The following OTUD7B variants were observed in gnomAD, a reference collection of about 807,000 sequenced individuals.
The protein encoded by OTUD7B is OTU domain-containing protein 7B.
In OTUD7B, 34 loss-of-function variants were observed where a neutral mutation model predicts 82.2. The ratio of observed to expected loss-of-function variants is 0.41; its 90% confidence interval spans 0.31 to 0.55. OTUD7B has a LOEUF of 0.55. Among genes scored for constraint, OTUD7B ranks in the 20% least tolerant of loss-of-function variants. The probability of loss-of-function intolerance (pLI) is 0.20; values close to 1 mark genes in which losing one functional copy is unlikely to be tolerated. For missense variants in OTUD7B, 944 were observed against 1,062.1 expected (o/e 0.89, Z 1.55); for synonymous variants, 398 against 402.7 (o/e 0.99, Z 0.14).
chr1:149,975,681 G>C (rs1212948401), intron 2 of OTUD7B, among the ~76,000 whole-genome samples: 1 of 152,128 alleles, frequency 6.6e-6, no homozygotes, highest in Non-Finnish European at 1.5e-5. Context: ...GAGGTGACAA[G>C]TCAGGCCTGG....
chr1:149,945,032 A>G lies in OTUD7B; in HGVS notation c.1357T>C (p.Ser453Pro). 2 of 1,613,962 alleles carry G rather than the reference A, an allele frequency of 1.2e-6. No individual in the cohort carries two copies. Among genetic ancestry groups the G allele is most frequent in the Middle Eastern group, 3.3e-4 (2 of 6,058 alleles). The change falls in exon 12 of 12, where the codon TCA becomes CCA. Residue 453 changes from serine (S) to proline (P), a missense_variant. Transcript: ENST00000581312. Reference sequence around the variant, plus strand: ...GTGGACCGGGGCTCATCTCCAGCTGAGGCGGTGGGGGACTCAGGCTGGGCC... The same window carrying G: ...GTGGACCGGGGCTCATCTCCAGCTGGGGCGGTGGGGGACTCAGGCTGGGCC... ...PLAQPESPTASAGDEPRSTPE... is the reference protein window; with the variant it reads ...PLAQPESPTAPAGDEPRSTPE...
At chr1:150,052,877 A>G in the OTUD7B span, among the ~76,000 whole-genome samples, 1 of 152,110 alleles carries the variant, frequency 6.6e-6, no homozygotes, top group African/African-American at 2.4e-5. Context: ...GTCCAAAAAT[A>G]AGGCCACACA....
At chr1:150,013,223 T>A (rs960514190), upstream of OTUD7B, among the ~76,000 whole-genome samples, 2 of 152,224 alleles carry the variant, frequency 1.3e-5, no homozygotes, top group Non-Finnish European at 2.9e-5. Context: ...ACCCTAGAGA[T>A]CTGTTTTTGT....
At chr1:149,978,447 T>C (rs782035182) in intron 1 of OTUD7B, among the ~76,000 whole-genome samples, 28 of 150,070 alleles carry the variant, frequency 1.9e-4, no homozygotes, top group Non-Finnish European at 3.4e-4. Flanking sequence ...GGGCAGAGGT[T>C]GCAGTGAGCC....
chr1:150,049,004 T>A, the OTUD7B span, among the ~76,000 whole-genome samples: 8 of 151,994 alleles, frequency 5.3e-5, no homozygotes, highest in Non-Finnish European at 1.2e-4. Flanking sequence ...GGCTAATTTT[T>A]GTATTTTTTT....
chr1:150,027,333 C>T, the OTUD7B span, among the ~76,000 whole-genome samples: 1 of 152,122 alleles, frequency 6.6e-6, no homozygotes, highest in African/African-American at 2.4e-5. Flanking sequence ...CACCTGTAAT[C>T]CCAGCACTTT....
rs1185719754 is a variant in OTUD7B, at chr1:149,941,630, G to A, written c.*2227C>T. 1 of 152,096 alleles carries A rather than the reference G, an allele frequency of 6.6e-6. No individual in the cohort carries two copies. The highest frequency in any genetic ancestry group is 2.4e-5 in the African/African-American group (1 of 41,422). The allele number at this position is 152,096 out of a possible 1,614,324, so 9.4% of individuals were successfully genotyped here. A position where few individuals can be genotyped will look rare whatever the true frequency, so the allele number is the denominator to read the frequency against. Reference sequence around the variant, plus strand: ...CAATTAATGTAAAAAGTCTATGATGGACAATGTATCAAAAATTTAAATAAG... The same window carrying A: ...CAATTAATGTAAAAAGTCTATGATGAACAATGTATCAAAAATTTAAATAAG... On this transcript the variant is annotated 3_prime_UTR_variant, in exon 12 of 12. Transcript: ENST00000581312.
At position 149,964,364 on chromosome 1, in the gene OTUD7B, C is replaced by G. The variant is rs1649371859; in HGVS notation, c.605-15G>C. 1.2e-6 allele frequency: 2 copies of G among 1,611,206 alleles called. No homozygotes were observed. The highest frequency in any genetic ancestry group is 1.1e-5 in the South Asian group (1 of 90,902). On this transcript the variant is annotated splice_polypyrimidine_tract_variant and intron_variant, in intron 5 of 11. Coordinates refer to ENST00000581312, the MANE Select transcript of OTUD7B (RefSeq NM_020205.4). The stretch of plus-strand genomic sequence containing the variant: ...ACCCCACATTCCTGTGGCAAAAAAG[C>G]ATAATGGTAAGATACCTCAGCTTGA...
At chr1:150,036,262 CTT>C in the OTUD7B span, among the ~76,000 whole-genome samples, 6 of 136,700 alleles carry the variant, frequency 4.4e-5, no homozygotes, top group African/African-American at 1.4e-4. Flanking sequence ...TTCATTGTAA[CTT>C]TTTTTTTTTT....
the OTUD7B span, among the ~76,000 whole-genome samples, chr1:150,018,754 C>A: frequency 6.6e-6 from 1 of 152,134 alleles, no homozygotes; most frequent in Non-Finnish European, 1.5e-5. Context: ...ACAAGGCAGC[C>A]TGTGACTGCA....
At position 149,944,916 on chromosome 1, in the gene OTUD7B, A is replaced by T; in HGVS notation, c.1473T>A (p.Asp491Glu). 1 of 1,613,796 alleles carries T rather than the reference A, an allele frequency of 6.2e-7. No homozygotes were observed. Among genetic ancestry groups the T allele is most frequent in the Non-Finnish European group, 8.5e-7 (1 of 1,179,958 alleles). ...GGRRKEKSKRDREKDKKRADS... is the reference protein window; with the variant it reads ...GGRRKEKSKREREKDKKRADS... ...CTGCTCTCTTCTTGTCCTTCTCCCG[A>T]TCTCGCTTTGACTTCTCCTTCCGCC... The change falls in exon 12 of 12, where the codon GAT becomes GAA. Residue 491 changes from aspartate to glutamate, a missense_variant. Around this residue, in one of 3 missense-constraint regions of OTUD7B, gnomAD observed 530 missense variants for 625.6 expected, o/e 0.85. Transcript: ENST00000581312.
intron 1 of OTUD7B, among the ~76,000 whole-genome samples, chr1:149,985,572 T>C (rs1275222757): frequency 3.3e-5 from 5 of 151,962 alleles, no homozygotes; most frequent in Admixed American, 6.6e-5. Flanking sequence ...AACCCATCTC[T>C]ACAAAAAAAT....
At chr1:150,061,974 A>G in the OTUD7B span, among the ~76,000 whole-genome samples, 1 of 152,132 alleles carries the variant, frequency 6.6e-6, no homozygotes, top group Non-Finnish European at 1.5e-5. Context: ...CGATGCAGAG[A>G]TCTACCTGTC....
At chr1:149,968,412 G>A (rs1391665222) in intron 3 of OTUD7B, among the ~76,000 whole-genome samples, 1 of 152,030 alleles carries the variant, frequency 6.6e-6, no homozygotes, top group Non-Finnish European at 1.5e-5. Flanking sequence ...ATTCTTAACA[G>A]TCTATAGAGA....
chr1:149,968,142 T>C (rs1483927226), intron 3 of OTUD7B, among the ~76,000 whole-genome samples: 1 of 151,078 alleles, frequency 6.6e-6, no homozygotes, highest in Non-Finnish European at 1.5e-5. Context: ...TGTGCCCCTA[T>C]AATCCCAGCT....
intron 11 of OTUD7B, 109 bp from the exon 12 acceptor site, chr1:149,945,174 T>C (rs1197628515): frequency 5.6e-6 from 8 of 1,426,654 alleles, no homozygotes; most frequent in East Asian, 4.8e-5. Context: ...CCTGCAGCCA[T>C]GGCTATAGAA....
At chr1:149,982,841 C>CTTTTTTTT (rs34122678) in intron 1 of OTUD7B, among the ~76,000 whole-genome samples, 1 of 84,176 alleles carries the variant, frequency 1.2e-5, no homozygotes, top group Non-Finnish European at 2.0e-5. Flanking sequence ...TCCTCTCTTA[C>CTTTTTTTT]TTTTTTTTTT....
chr1:150,011,507 T>C (rs587676318), upstream of OTUD7B, among the ~76,000 whole-genome samples: 1 of 152,346 alleles, frequency 6.6e-6, no homozygotes, highest in Non-Finnish European at 1.5e-5. Context: ...GTAGCAGAAC[T>C]TGTATGTGTC....
rs587632489 is a variant in OTUD7B, at chr1:149,983,082, C to G, written c.-66-5506G>C. 2.0e-5 allele frequency among the ~76,000 whole-genome samples: 3 copies of G among 152,216 alleles called. No homozygotes were observed. The East Asian group carries it at 5.8e-4, about 29-fold the overall frequency. On this transcript the variant is annotated intron_variant, in intron 1 of 11. Coordinates refer to ENST00000581312, the MANE Select transcript of OTUD7B (RefSeq NM_020205.4). ...GTGTTAGCCAGGATGGTCTCGATCTCCTGACCTCGTGATCCACCCGCCTTG... is the reference window on the plus strand; with the variant it reads ...GTGTTAGCCAGGATGGTCTCGATCTGCTGACCTCGTGATCCACCCGCCTTG...
Sources: gnomAD v4.1 joint callset for allele counts (sites outside exome capture counted in the v4.1 genomes callset) on GRCh38, gnomAD v4.1.1 for gene constraint, gnomAD v4.1.1 regional missense constraint, MANE v1.5 for transcripts, NCBI Gene and HGNC (gene_info 2026-07-23, HGNC 2026-07-21) for gene names.